The following ABCC9 variants were observed in gnomAD, a reference collection of about 807,000 sequenced individuals.
The protein encoded by ABCC9 is ATP binding cassette subfamily C member 9.
Under a neutral mutation model 188.3 loss-of-function variants are expected in ABCC9, and 95 were observed. The observed-to-expected ratio is 0.50, with a 90% confidence interval of 0.43 to 0.60. ABCC9 has a LOEUF of 0.60. ABCC9 is among the 20% of genes least tolerant of loss of function. ABCC9 has a pLI of 0.00. For missense variants in ABCC9, 1,102 were observed against 1,876.3 expected (o/e 0.59, Z 7.62); for synonymous variants, 659 against 652.7 (o/e 1.01, Z -0.15).
chr12:21,841,372 T>TGAGACAGAG (rs1944385609), intron 29 of ABCC9, among the ~76,000 whole-genome samples: 2 of 71,370 alleles, frequency 2.8e-5, no homozygotes, highest in African/African-American at 1.5e-4. Context: ...TTTTTTTTTT[T>TGAGACAGAG]TTTTGAGACA....
At chr12:21,804,788 C>T (rs903491199) in intron 39 of ABCC9, among the ~76,000 whole-genome samples, 3 of 152,204 alleles carry the variant, frequency 2.0e-5, no homozygotes, top group African/African-American at 7.2e-5. Flanking sequence ...TCACATTACT[C>T]ACCAGTGAAA....
intron 30 of ABCC9, among the ~76,000 whole-genome samples, chr12:21,829,437 G>C (rs945741426): frequency 6.6e-6 from 1 of 152,062 alleles, no homozygotes; most frequent in Non-Finnish European, 1.5e-5. Context: ...TCCTGACCTT[G>C]TGATCCGCCC....
In ABCC9 at chr12:21,845,599, G is replaced by C; in HGVS notation, c.3096+4C>G. On this transcript the variant is annotated splice_donor_region_variant and intron_variant, in intron 26 of 39. Coordinates refer to ENST00000261200, the MANE Select transcript of ABCC9 (RefSeq NM_020297.4). Reference sequence around the variant, plus strand: ...ATTTAAAAACAAAACCGAACCAATTGTACCTGATCAGCTTTTCCAGTATTG... The same window carrying C: ...ATTTAAAAACAAAACCGAACCAATTCTACCTGATCAGCTTTTCCAGTATTG... 1 of 1,611,682 alleles carries C rather than the reference G, an allele frequency of 6.2e-7. No homozygotes were observed.
intron 21 of ABCC9, 98 bp from the exon 22 acceptor site, chr12:21,859,764 A>G: frequency 1.0e-6 from 1 of 986,686 alleles, no homozygotes. Context: ...TAAAAATCTT[A>G]GATTGATAGT....
intron 37 of ABCC9, 87 bp downstream of exon 37, chr12:21,809,765 T>G: frequency 1.3e-6 from 1 of 791,968 alleles, no homozygotes; most frequent in Non-Finnish European, 2.1e-6. Context: ...AACACTAAAG[T>G]TATGTGATTA....
At chr12:21,806,159 A>C (rs1028360732) in intron 38 of ABCC9, 99 bp from the exon 39 acceptor site, 12 of 1,040,982 alleles carry the variant, frequency 1.2e-5, no homozygotes, top group African/African-American at 3.1e-5. Context: ...CCTTGTGAGC[A>C]TTCTCAATCC....
rs543246551 is a variant in ABCC9, at chr12:21,846,785, C to A, written c.2867-953G>T. On this transcript the variant is annotated intron_variant, in intron 25 of 39. Coordinates refer to ENST00000261200, the MANE Select transcript of ABCC9 (RefSeq NM_020297.4). ...ACACTTGCACTTTGCTAGCTGTCTC[C>A]CCAATACCCATTCTTTGCTTCTATA... Among the ~76,000 whole-genome samples the A allele has an allele frequency of 7.2e-5, 11 of 152,176 alleles. No homozygotes were observed. The East Asian group carries it at 1.7e-3, about 24-fold the overall frequency.
At position 21,834,786 on chromosome 12, in the gene ABCC9, TACACACACACAC is replaced by T. The variant is rs61211269; in HGVS notation, c.3566+3280_3566+3291del. Among the ~76,000 whole-genome samples the T allele has an allele frequency of 2.9e-4, 41 of 141,602 alleles. 1 individual carries two copies. Among genetic ancestry groups the T allele is most frequent in the East Asian group, 1.2e-3 (6 of 4,834 alleles). 92.9% of individuals were successfully genotyped at this position (141,602 alleles called of 152,430 possible). ...TATACATATAGCATATATAACATTA[TACACACACACAC>T]ACACACACACACACACACACACACA... On this transcript the variant is annotated intron_variant, in intron 30 of 39. Transcript: ENST00000261200.
intron 8 of ABCC9, among the ~76,000 whole-genome samples, chr12:21,912,144 A>G (rs561391264): frequency 2.0e-5 from 3 of 152,124 alleles, no homozygotes; most frequent in Admixed American, 2.0e-4. Flanking sequence ...CATATTGCAT[A>G]ACATTTTTAT....
chr12:21,804,799 C>T (rs1269893465), intron 39 of ABCC9, among the ~76,000 whole-genome samples: 1 of 152,200 alleles, frequency 6.6e-6, no homozygotes, highest in Admixed American at 6.5e-5. Flanking sequence ...ACCAGTGAAA[C>T]TCAAGTAACT....
chr12:21,852,327 T>A, intron 23 of ABCC9, 41 bp downstream of exon 23: 1 of 1,612,204 alleles, frequency 6.2e-7, no homozygotes, highest in East Asian at 2.2e-5. Flanking sequence ...TTTATATGAC[T>A]ATAATATAAA....
rs780271535 is a variant in ABCC9, at chr12:21,812,134, C to T, written c.4126G>A (p.Asp1376Asn). ...FDGKIVIDGI[D>N]ISKLPLHTLR... ...GTGTGCAGTGGTAATTTGGAAATGTCTATCCCATCAATGACAATTTTTCCT... is the reference window on the plus strand; with the variant it reads ...GTGTGCAGTGGTAATTTGGAAATGTTTATCCCATCAATGACAATTTTTCCT... Residue 1376 changes from aspartate to asparagine, a missense_variant, in exon 36 of 40, where the codon GAC becomes AAC. Asp to Asn is a conservative substitution (Grantham distance 23, BLOSUM62 1). Around this residue, in one of 12 missense-constraint regions of ABCC9, gnomAD observed 67 missense variants for 101.0 expected, o/e 0.66. Coordinates refer to ENST00000261200, the MANE Select transcript of ABCC9 (RefSeq NM_020297.4). 6.2e-7 allele frequency: 1 copy of T among 1,612,052 alleles called. No homozygotes were observed. The highest frequency in any genetic ancestry group is 8.5e-7 in the Non-Finnish European group (1 of 1,178,336).
rs1410625564 is a variant in ABCC9, at chr12:21,937,759, G to C, written c.-20-1065C>G. 2.0e-5 allele frequency among the ~76,000 whole-genome samples: 3 copies of C among 152,136 alleles called. No homozygotes were observed. The East Asian group carries it at 5.8e-4, about 29-fold the overall frequency. ...CATCTTTTACAATGGAGGATACTGA[G>C]GTCCAGATAAGTTCAGTAACTTGCC... is the stretch of plus-strand genomic sequence containing the variant. On this transcript the variant is annotated intron_variant, in intron 2 of 39. Transcript: ENST00000261200.
At chr12:21,828,910 G>T in intron 31 of ABCC9, 48 bp downstream of exon 31, 1 of 1,455,622 alleles carries the variant, frequency 6.9e-7, no homozygotes, top group Non-Finnish European at 9.7e-7. Flanking sequence ...TTTGCAGCAG[G>T]CGTCTTCTCT....
At chr12:21,818,755 A>G (rs74070304) in intron 31 of ABCC9, among the ~76,000 whole-genome samples, 2,415 of 145,608 alleles carry the variant, frequency 0.017, 63 homozygotes, top group African/African-American at 0.059. Context: ...TGTCAGGATT[A>G]TGATTAGCTC....
At chr12:21,827,026 A>T (rs551258330) in intron 31 of ABCC9, 1 of 670,664 alleles carries the variant, frequency 1.5e-6, no homozygotes, top group East Asian at 1.4e-4. Flanking sequence ...TTCCTGTTTC[A>T]GGTGTCAGTA....
intron 18 of ABCC9, among the ~76,000 whole-genome samples, chr12:21,864,703 C>T (rs955061668): frequency 7.2e-5 from 11 of 152,078 alleles, no homozygotes; most frequent in African/African-American, 2.7e-4. Context: ...ACATAGATAG[C>T]ACTGTTCTCT....
chr12:21,809,583 C>T (rs903852741), intron 37 of ABCC9, among the ~76,000 whole-genome samples: 1 of 152,022 alleles, frequency 6.6e-6, no homozygotes, highest in African/African-American at 2.4e-5. Context: ...TGACCTGTAC[C>T]CACCAATTGT....
At chr12:21,897,534 T>G (rs185883626) in intron 12 of ABCC9, among the ~76,000 whole-genome samples, 10 of 152,268 alleles carry the variant, frequency 6.6e-5, no homozygotes, top group Non-Finnish European at 1.0e-4. Context: ...TCTTTAATCT[T>G]TACAATCCTA....
Sources: allele counts gnomAD v4.1 joint callset (sites outside exome capture counted in the v4.1 genomes callset), GRCh38; gene constraint gnomAD v4.1.1; regional missense constraint gnomAD v4.1.1; transcripts MANE v1.5; gene names NCBI Gene and HGNC (gene_info 2026-07-23, HGNC 2026-07-21).